The following YLPM1 variants were observed in gnomAD, a reference collection of about 807,000 sequenced individuals.
YLPM1 encodes YLP motif containing 1.
Under a neutral mutation model 230.0 loss-of-function variants are expected in YLPM1, and 99 were observed. The ratio of observed to expected loss-of-function variants is 0.43; its 90% CI spans 0.37 to 0.51. The LOEUF is 0.51. YLPM1 is among the 20% of genes least tolerant of loss of function. YLPM1 has a pLI of 0.00. For missense variants in YLPM1, 2,592 were observed against 2,707.7 expected (o/e 0.96, Z 0.95); for synonymous variants, 984 against 942.5 (o/e 1.04, Z -0.81).
In YLPM1 at chr14:74,798,007, G is replaced by A. The variant is rs776611829; in HGVS notation, c.2710G>A (p.Asp904Asn). 9 of 1,613,596 alleles carry A rather than the reference G, an allele frequency of 5.6e-6. No homozygotes were observed. Among genetic ancestry groups the A allele is most frequent in the Non-Finnish European group, 6.8e-6 (8 of 1,179,724 alleles). Reference protein sequence around the residue: ...KAAQSNENLSDSQQEPPKSEV... With the variant: ...KAAQSNENLSNSQQEPPKSEV... The stretch of plus-strand genomic sequence containing the variant: ...GGCTCAGTCAAATGAGAATCTAAGC[G>A]ACTCTCAACAAGAGCCACCTAAAAG... The change falls in exon 5 of 21, where the codon GAC becomes AAC. Residue 904 changes from aspartate to asparagine, a missense_variant. This residue lies in a region of YLPM1 where 1,862 missense variants were observed against 1,819.8 expected (regional missense o/e 1.02). Coordinates refer to ENST00000325680, the MANE Select transcript of YLPM1 (RefSeq NM_019589.3).
At chr14:74,816,292 G>C in intron 12 of YLPM1, 27 bp downstream of exon 12, 1 of 1,593,302 alleles carries the variant, frequency 6.3e-7, no homozygotes, top group South Asian at 1.1e-5. Context: ...TGAAAAATCA[G>C]CTGCTTGTGC....
chr14:74,773,680 T>C (rs370624752), intron 1 of YLPM1, among the ~76,000 whole-genome samples: 2 of 151,456 alleles, frequency 1.3e-5, no homozygotes, highest in East Asian at 1.9e-4. Context: ...TTATTGGCTT[T>C]GGCTTTCATG....
At chr14:74,769,259 CTTTTTTTTTT>C (rs34023289) in intron 1 of YLPM1, among the ~76,000 whole-genome samples, 2,765 of 38,342 alleles carry the variant, frequency 0.072, 54 homozygotes, top group Non-Finnish European at 0.12. Context: ...GTATTTTTAT[CTTTTTTTTTT>C]TTTTTTTTTT....
rs1480849417 is a variant in YLPM1, at chr14:74,821,264, C to A, written c.6111+127C>A. 5 of 1,315,920 alleles carry A rather than the reference C, an allele frequency of 3.8e-6. No homozygotes were observed. The East Asian group carries it at 1.4e-4, about 36-fold the overall frequency. 81.5% of individuals were successfully genotyped at this position (1,315,920 alleles called of 1,614,324 possible). A position where few individuals can be genotyped will look rare whatever the true frequency, so the allele number is the denominator to read the frequency against. On this transcript the variant is annotated intron_variant, in intron 17 of 20. Transcript: ENST00000325680. The stretch of plus-strand genomic sequence containing the variant: ...CTTTAGTGGTAAAAGTTTCCATAAT[C>A]ATCTTCAAGGAGACTTTTGGATACT...
intron 4 of YLPM1, among the ~76,000 whole-genome samples, chr14:74,789,493 C>T (rs971372833): frequency 1.3e-5 from 2 of 151,620 alleles, no homozygotes; most frequent in Admixed American, 6.6e-5. Context: ...CTGGGATTAC[C>T]GGTGTGAGCC....
intron 3 of YLPM1, among the ~76,000 whole-genome samples, 176 bp downstream of exon 3, chr14:74,780,760 G>T (rs2091084548): frequency 1.3e-5 from 2 of 152,302 alleles, no homozygotes; most frequent in South Asian, 4.2e-4. Flanking sequence ...GGGAGGGGTT[G>T]GTTATAGTAG....
chr14:74,831,629 A>G (rs2091609578), intron 19 of YLPM1, among the ~76,000 whole-genome samples: 1 of 152,170 alleles, frequency 6.6e-6, no homozygotes, highest in Non-Finnish European at 1.5e-5. Flanking sequence ...TAGTTCTTTA[A>G]AGTTGCTCCT....
At chr14:74,810,673 A>G (rs1179400345) in intron 9 of YLPM1, among the ~76,000 whole-genome samples, 1 of 152,104 alleles carries the variant, frequency 6.6e-6, no homozygotes, top group Non-Finnish European at 1.5e-5. Context: ...AGGTGCAGTC[A>G]TACTCAGTAG....
chr14:74,797,613 G>A lies in YLPM1; in HGVS notation c.2316G>A (p.Gly772=). Residue 772 remains glycine (G), a synonymous_variant, in exon 5 of 21, where the codon GGG becomes GGA. Transcript: ENST00000325680. ...GTCCTCGAAGATTTGAGGATTTAGG[G>A]TCAAGGTGTGAAGGACCGAGACCCA... ...FDGPRRFEDL[G]SRCEGPRPKG... The A allele has an allele frequency of 6.6e-7, 1 of 1,518,938 alleles. No individual in the cohort carries two copies. The highest frequency in any genetic ancestry group is 8.8e-7 in the Non-Finnish European group (1 of 1,134,618). 94.1% of individuals were successfully genotyped at this position (1,518,938 alleles called of 1,614,324 possible).
chr14:74,770,296 C>T (rs2090965237), intron 1 of YLPM1, among the ~76,000 whole-genome samples: 1 of 151,164 alleles, frequency 6.6e-6, no homozygotes, highest in African/African-American at 2.4e-5. Flanking sequence ...CCACTGCACT[C>T]TAGCCTGGGC....
intron 4 of YLPM1, among the ~76,000 whole-genome samples, chr14:74,794,053 A>G (rs551750818): frequency 6.0e-4 from 91 of 152,294 alleles, no homozygotes; most frequent in South Asian, 2.3e-3. Context: ...AGAATGTACA[A>G]ACAAGATTTT....
At chr14:74,821,913 C>T (rs966151714) in intron 17 of YLPM1, 1 of 152,144 alleles carries the variant, frequency 6.6e-6, no homozygotes, top group African/African-American at 2.4e-5. Flanking sequence ...GCTAAAGTTG[C>T]TCCTCATATT....
chr14:74,797,555 G>A (rs1056729872), intron 4 of YLPM1, 25 bp from the exon 5 acceptor site: 3 of 1,441,060 alleles, frequency 2.1e-6, no homozygotes, highest in Non-Finnish European at 2.7e-6. Flanking sequence ...ACTGTCTTGA[G>A]TAATATCTTT....
intron 4 of YLPM1, among the ~76,000 whole-genome samples, chr14:74,793,982 T>C (rs1464776420): frequency 6.6e-6 from 1 of 152,222 alleles, no homozygotes; most frequent in Non-Finnish European, 1.5e-5. Context: ...CTGCCATCAG[T>C]ACTCTAAACT....
chr14:74,800,952 G>T (rs1017427478), intron 5 of YLPM1, among the ~76,000 whole-genome samples: 2 of 152,166 alleles, frequency 1.3e-5, no homozygotes, highest in African/African-American at 4.8e-5. Flanking sequence ...AAAGTTCAAA[G>T]AGGTTAAGTT....
At chr14:74,776,245 G>A (rs1181199511) in intron 1 of YLPM1, among the ~76,000 whole-genome samples, 2 of 152,196 alleles carry the variant, frequency 1.3e-5, no homozygotes, top group African/African-American at 4.8e-5. Context: ...CACTGAATTA[G>A]TGAATACTGA....
intron 5 of YLPM1, among the ~76,000 whole-genome samples, chr14:74,800,845 G>A (rs897445434): frequency 6.6e-6 from 1 of 152,078 alleles, no homozygotes; most frequent in African/African-American, 2.4e-5. Context: ...CGTGTAACTG[G>A]GCACTTGCTA....
At chr14:74,808,489 A>G (rs2091400379) in intron 6 of YLPM1, among the ~76,000 whole-genome samples, 1 of 152,102 alleles carries the variant, frequency 6.6e-6, no homozygotes. Context: ...CCGAGAAATG[A>G]AATTGCTGAG....
chr14:74,794,784 CACATATTTAAACACAAAT>C (rs1417060016), intron 4 of YLPM1, among the ~76,000 whole-genome samples: 2 of 152,046 alleles, frequency 1.3e-5, no homozygotes, highest in African/African-American at 4.8e-5. Context: ...CACACACACA[CACATATTTAAACACAAAT>C]ATATCAAATT....
Sources: allele counts gnomAD v4.1 joint callset (sites outside exome capture counted in the v4.1 genomes callset), GRCh38; gene constraint gnomAD v4.1.1; regional missense constraint gnomAD v4.1.1; transcripts MANE v1.5; gene names NCBI Gene and HGNC (gene_info 2026-07-23, HGNC 2026-07-21).